Variants in PAIP2 observed in about 807,000 individuals in gnomAD.
PAIP2 encodes polyadenylate-binding protein-interacting protein 2.
A neutral mutation model predicts 14.8 loss-of-function variants in PAIP2; 7 were observed. The observed-to-expected ratio is 0.47, with a 90% CI of 0.27 to 0.89. The LOEUF is 0.89. Among genes scored for constraint, PAIP2 ranks in the 40% least tolerant of loss-of-function variants. The pLI, the probability that PAIP2 is intolerant of heterozygous loss-of-function variation, is 0.13. For missense variants in PAIP2, 122 were observed against 154.7 expected, an observed-to-expected ratio of 0.79 and a Z score of 1.12; for synonymous variants, 47 against 45.3, an observed-to-expected ratio of 1.04 and a Z score of -0.15.
At chr5:139,345,650 C>T (rs1476363689) in intron 1 of PAIP2, among the ~76,000 whole-genome samples, 21 of 123,608 alleles carry the variant, frequency 1.7e-4, no homozygotes, top group East Asian at 2.3e-4. Context: ...TTTTTTGAAA[C>T]GGAGTCTTGC....
chr5:139,345,801 G>C (rs866545471), intron 1 of PAIP2, among the ~76,000 whole-genome samples: 8 of 151,732 alleles, frequency 5.3e-5, no homozygotes, highest in African/African-American at 1.9e-4. Context: ...CTAATTTTTT[G>C]TATTTTTAGG....
Position 139,369,659 on chromosome 5 carries a change from T to C in PAIP2, c.*861T>C, listed in dbSNP as rs1263637186. ...GTGAATAGTGTTTAAGTTGAAAATATTGTAAAAAAATTATATTTTTTCAAA... is the reference window on the plus strand; with the variant it reads ...GTGAATAGTGTTTAAGTTGAAAATACTGTAAAAAAATTATATTTTTTCAAA... On this transcript the variant is annotated 3_prime_UTR_variant, in exon 4 of 4. Coordinates refer to ENST00000265192, the MANE Select transcript of PAIP2 (RefSeq NM_016480.5). 1 of 152,568 alleles carries C rather than the reference T, an allele frequency of 6.6e-6. No individual in the cohort carries two copies. Among genetic ancestry groups the C allele is most frequent in the Non-Finnish European group, 1.5e-5 (1 of 68,028 alleles). 9.5% of individuals were successfully genotyped at this position (152,568 alleles called of 1,614,324 possible). A position where few individuals can be genotyped will look rare whatever the true frequency, so the allele number is the denominator to read the frequency against.
intron 1 of PAIP2, among the ~76,000 whole-genome samples, chr5:139,356,498 C>T (rs1255650121): frequency 6.6e-6 from 1 of 151,992 alleles, no homozygotes; most frequent in Non-Finnish European, 1.5e-5. Context: ...TCTGGGCTCC[C>T]TTGGGGACAG....
At chr5:139,355,546 CCTTTAG>C (rs562759230) in intron 1 of PAIP2, among the ~76,000 whole-genome samples, 342 of 152,246 alleles carry the variant, frequency 2.2e-3, no homozygotes, top group Middle Eastern at 3.4e-3. Flanking sequence ...TACATGGTTT[CCTTTAG>C]CTCTTTTAAC....
intron 1 of PAIP2, among the ~76,000 whole-genome samples, chr5:139,345,821 G>T (rs1418120815): frequency 6.6e-6 from 1 of 151,840 alleles, no homozygotes; most frequent in African/African-American, 2.4e-5. Flanking sequence ...GAGAGATGGG[G>T]TTTCACCGTG....
At position 139,349,240 on chromosome 5, in the gene PAIP2, CTGT is replaced by C. The variant is rs369569286; in HGVS notation, c.-27+7277_-27+7279del. Among the ~76,000 whole-genome samples the C allele has an allele frequency of 2.8e-3, 428 of 151,716 alleles. 11 individuals carry two copies. The highest frequency in any genetic ancestry group is 8.5e-3 in the African/African-American group (354 of 41,408). On this transcript the variant is annotated intron_variant, in intron 1 of 3. Coordinates refer to ENST00000265192, the MANE Select transcript of PAIP2 (RefSeq NM_016480.5). ...AATGGATGTATAGAGTTGTTTTTTG[CTGT>C]TGTTGTTGTTGTTGTTTTTCTCTGA...
intron 1 of PAIP2, chr5:139,342,839 T>C (rs1312250663): frequency 1.3e-5 from 2 of 152,188 alleles, no homozygotes; most frequent in African/African-American, 4.8e-5. Context: ...TCCTTTTGTT[T>C]CTTTTTTCCC....
chr5:139,364,417 T>G, intron 2 of PAIP2, 147 bp from the exon 3 acceptor site: 1 of 539,954 alleles, frequency 1.9e-6, no homozygotes, highest in South Asian at 3.0e-5. Flanking sequence ...TCGCCGGTCA[T>G]TATGGTAAGC....
At chr5:139,344,907 G>C (rs76202357) in intron 1 of PAIP2, among the ~76,000 whole-genome samples, 6 of 152,100 alleles carry the variant, frequency 3.9e-5, no homozygotes, top group African/African-American at 1.4e-4. Context: ...ATTGTTATGT[G>C]CTAGGTTCTC....
chr5:139,365,302 G>A (rs1024413882), intron 3 of PAIP2, among the ~76,000 whole-genome samples: 17 of 151,742 alleles, frequency 1.1e-4, no homozygotes, highest in Admixed American at 5.3e-4. Flanking sequence ...CCTGGCCAAC[G>A]TGGTGAAACC....
At position 139,364,698 on chromosome 5, in the gene PAIP2, T is replaced by G; in HGVS notation, c.273T>G (p.Phe91Leu). The change falls in exon 3 of 4, where the codon TTT becomes TTG. Residue 91 changes from phenylalanine (F) to leucine (L), a missense_variant. Around this residue, in one of 3 missense-constraint regions of PAIP2, gnomAD observed 46 missense variants for 44.0 expected, o/e 1.05. Coordinates refer to ENST00000265192, the MANE Select transcript of PAIP2 (RefSeq NM_016480.5). Reference sequence around the variant, plus strand: ...CTATGGACCAAATCCAAGACCAGTTTAATGACCTTGTTATCAGTGATGGCT... The same window carrying G: ...CTATGGACCAAATCCAAGACCAGTTGAATGACCTTGTTATCAGTGATGGCT... ...PQTMDQIQDQ[F>L]NDLVISDGSS... 6.2e-7 allele frequency: 1 copy of G among 1,613,110 alleles called. No individual in the cohort carries two copies. The highest frequency in any genetic ancestry group is 8.5e-7 in the Non-Finnish European group (1 of 1,179,166).
chr5:139,357,509 G>C (rs1271969091), intron 1 of PAIP2, among the ~76,000 whole-genome samples: 1 of 152,154 alleles, frequency 6.6e-6, no homozygotes, highest in African/African-American at 2.4e-5. Context: ...AGGGAGCCAG[G>C]TCAAAACAAC....
At chr5:139,354,890 A>T (rs1324020150) in intron 1 of PAIP2, among the ~76,000 whole-genome samples, 1 of 135,126 alleles carries the variant, frequency 7.4e-6, no homozygotes, top group Admixed American at 8.0e-5. Context: ...GCGTGGTCTC[A>T]GCTCACTACA....
intron 1 of PAIP2, among the ~76,000 whole-genome samples, chr5:139,360,355 G>A (rs1157372142): frequency 6.6e-6 from 1 of 152,154 alleles, no homozygotes; most frequent in African/African-American, 2.4e-5. Flanking sequence ...AAAAATAACA[G>A]ATATCCATTG....
chr5:139,347,334 C>CCTGG (rs1278930884), intron 1 of PAIP2, among the ~76,000 whole-genome samples: 1 of 137,858 alleles, frequency 7.3e-6, no homozygotes, highest in Non-Finnish European at 1.5e-5. Context: ...AGTGCAGTGG[C>CCTGG]GCGATCTTGG....
chr5:139,351,321 A>G (rs1756724890), intron 1 of PAIP2, among the ~76,000 whole-genome samples: 1 of 152,182 alleles, frequency 6.6e-6, no homozygotes, highest in Non-Finnish European at 1.5e-5. Flanking sequence ...CTACTAAAAA[A>G]AAAAAAGAGT....
Position 139,341,942 on chromosome 5 carries a change from C to G in PAIP2, c.-65C>G, listed in dbSNP as rs1274605514. The G allele has an allele frequency of 6.6e-6, 1 of 152,548 alleles. No homozygotes were observed. The highest frequency in any genetic ancestry group is 1.5e-5 in the Non-Finnish European group (1 of 68,120). 9.4% of individuals were successfully genotyped at this position (152,548 alleles called of 1,614,324 possible). ...GCCTGTGGAGATCCGCGGAGGCCGA[C>G]AGGATTCGTTGGCTGCCGTCCCCGC... On this transcript the variant is annotated 5_prime_UTR_variant, in exon 1 of 4. Coordinates refer to ENST00000265192, the MANE Select transcript of PAIP2 (RefSeq NM_016480.5).
Position 139,352,488 on chromosome 5 carries a change from GT to G in PAIP2, c.-27+10518del, listed in dbSNP as rs1185620394. Among the ~76,000 whole-genome samples, 2 of 94,814 alleles carry G rather than the reference GT, an allele frequency of 2.1e-5. 1 individual carries two copies. Among genetic ancestry groups the G allele is most frequent in the Non-Finnish European group, 5.2e-5 (2 of 38,248 alleles). 62.2% of individuals were successfully genotyped at this position (94,814 alleles called of 152,430 possible). ...TGGCTTTCTCAGTTAATTCCTGCCAGTTTTTTTTTTGTTGTTTTTTTTTTTT... is the reference window on the plus strand; with the variant it reads ...TGGCTTTCTCAGTTAATTCCTGCCAGTTTTTTTTTGTTGTTTTTTTTTTTT... On this transcript the variant is annotated intron_variant, in intron 1 of 3. Coordinates refer to ENST00000265192, the MANE Select transcript of PAIP2 (RefSeq NM_016480.5).
intron 1 of PAIP2, among the ~76,000 whole-genome samples, chr5:139,346,235 A>T (rs1019471997): frequency 1.2e-4 from 19 of 152,114 alleles, no homozygotes; most frequent in Non-Finnish European, 2.4e-4. Context: ...CTAGAACAGG[A>T]TTTTTAAATT....
Sources: gnomAD v4.1 joint callset for allele counts (sites outside exome capture counted in the v4.1 genomes callset) on GRCh38, gnomAD v4.1.1 for gene constraint, gnomAD v4.1.1 regional missense constraint, MANE v1.5 for transcripts, NCBI Gene and HGNC (gene_info 2026-07-23, HGNC 2026-07-21) for gene names.